The following ATG7 variants were observed in gnomAD, a reference collection of about 807,000 sequenced individuals.
The protein encoded by ATG7 is autophagy related 7.
In ATG7, 70 loss-of-function variants were observed where a neutral mutation model predicts 82.4. That is an observed-to-expected ratio of 0.85 (90% CI 0.70 to 1.04). The LOEUF is 1.04. ATG7 is among the 50% of genes least tolerant of loss of function. The pLI is 0.00. For missense variants in ATG7, 792 were observed against 864.3 expected (o/e 0.92, Z 1.05); for synonymous variants, 287 against 313.0 (o/e 0.92, Z 0.88).
chr3:11,557,344 G>A lies in ATG7; in HGVS notation c.*2501G>A, dbSNP rs560519583. The A allele has an allele frequency of 6.6e-6, 1 of 152,640 alleles. No homozygotes were observed. Among genetic ancestry groups the A allele is most frequent in the South Asian group, 2.1e-4 (1 of 4,834 alleles). 9.5% of individuals were successfully genotyped at this position (152,640 alleles called of 1,614,324 possible). A position where few individuals can be genotyped will look rare whatever the true frequency, so the allele number is the denominator to read the frequency against. On this transcript the variant is annotated 3_prime_UTR_variant, in exon 21 of 21. Transcript: ENST00000693202. ...ACACCATATCACAGATTGTCTGTCA[G>A]TAATCTGCTGTTCAGCCAAGAGAGT...
intron 3 of ATG7, among the ~76,000 whole-genome samples, chr3:11,289,364 A>G (rs1000821994): frequency 2.0e-5 from 3 of 152,184 alleles, no homozygotes; most frequent in African/African-American, 7.2e-5. Flanking sequence ...GTGATGTTAC[A>G]TAGACGTGTA....
chr3:11,356,270 A>G (rs2075928909), intron 14 of ATG7, among the ~76,000 whole-genome samples: 2 of 152,236 alleles, frequency 1.3e-5, no homozygotes, highest in Non-Finnish European at 1.5e-5. Context: ...AACTGTGCAT[A>G]TGAGATCTGT....
downstream of ATG7, among the ~76,000 whole-genome samples, chr3:11,561,827 C>T (rs138837779): frequency 4.5e-3 from 682 of 150,322 alleles, 6 homozygotes; most frequent in African/African-American, 0.016. Context: ...GAGGCTGCCC[C>T]GGGGGAGAGG....
At chr3:11,309,603 C>A (rs1948329005) in intron 7 of ATG7, among the ~76,000 whole-genome samples, 1 of 151,964 alleles carries the variant, frequency 6.6e-6, no homozygotes, top group African/African-American at 2.4e-5. Flanking sequence ...ATGGAAGGAC[C>A]TGGCCTTGGT....
At chr3:11,353,321 T>G (rs2075701921) in intron 14 of ATG7, among the ~76,000 whole-genome samples, 1 of 152,086 alleles carries the variant, frequency 6.6e-6, no homozygotes, top group Non-Finnish European at 1.5e-5. Context: ...GGCGTGCACC[T>G]GTAGTCCCAG....
chr3:11,471,137 AAC>A (rs2087464598), intron 20 of ATG7, among the ~76,000 whole-genome samples: 3 of 152,044 alleles, frequency 2.0e-5, no homozygotes, highest in African/African-American at 7.3e-5. Flanking sequence ...CCCTTTTGGA[AAC>A]ACACATATGA....
In ATG7 at chr3:11,535,723, G is replaced by C. The variant is rs113465598; in HGVS notation, c.2080-19088G>C. On this transcript the variant is annotated intron_variant, in intron 20 of 20. Coordinates refer to ENST00000693202, the MANE Select transcript of ATG7 (RefSeq NM_001349232.2). ...GGTAAAGAAGCGGGGGCGTGCGCTG[G>C]GGGGAGAACCTTGTGTTCTCAGTCT... Among the ~76,000 whole-genome samples, 570 of 152,222 alleles carry C rather than the reference G, an allele frequency of 3.7e-3. 3 individuals carry two copies. Among genetic ancestry groups the C allele is most frequent in the African/African-American group, 0.012 (504 of 41,520 alleles).
chr3:11,377,214 C>G (rs557219953), intron 18 of ATG7, among the ~76,000 whole-genome samples: 41 of 152,314 alleles, frequency 2.7e-4, no homozygotes, highest in African/African-American at 7.2e-4. Flanking sequence ...GGTTTCCTGT[C>G]TTGAATTATC....
the ATG7 span, among the ~76,000 whole-genome samples, chr3:11,566,405 C>T: frequency 1.3e-5 from 2 of 152,182 alleles, no homozygotes; most frequent in African/African-American, 4.8e-5. Context: ...AGACAACTAC[C>T]AACCTTATTC....
Position 11,319,520 on chromosome 3 carries a change from C to G in ATG7, c.678+4027C>G, listed in dbSNP as rs549244097. 7.2e-4 allele frequency among the ~76,000 whole-genome samples: 110 copies of G among 152,326 alleles called. 1 individual carries two copies. The highest frequency in any genetic ancestry group is 1.7e-3 in the African/African-American group (70 of 41,574). On this transcript the variant is annotated intron_variant, in intron 9 of 20. Coordinates refer to ENST00000693202, the MANE Select transcript of ATG7 (RefSeq NM_001349232.2). ...TCAACCTGTTTCTCTTCTGGGTTAT[C>G]TCATTGTGCCTACAACTCCAGAAAC...
At chr3:11,567,237 G>A in the ATG7 span, among the ~76,000 whole-genome samples, 1 of 152,162 alleles carries the variant, frequency 6.6e-6, no homozygotes, top group Non-Finnish European at 1.5e-5. Context: ...ACTCTAAATG[G>A]GGGACAAACA....
intron 18 of ATG7, among the ~76,000 whole-genome samples, chr3:11,372,485 A>T (rs2152832274): frequency 6.6e-6 from 1 of 150,896 alleles, no homozygotes; most frequent in East Asian, 1.9e-4. Context: ...ACTGATATAT[A>T]GTAAAATGAA....
Position 11,340,701 on chromosome 3 carries a change from A to G in ATG7, c.946A>G (p.Met316Val), listed in dbSNP as rs886771457. 4 of 1,613,836 alleles carry G rather than the reference A, an allele frequency of 2.5e-6. No individual in the cohort carries two copies. The African/African-American group carries it at 5.3e-5, about 22-fold the overall frequency. ...KNQKGGMGPR[M>V]VNLSECMDPK... ...CCAGAAAGGAGGCATGGGACCAAGG[A>G]TGGTGAACCTCAGTGAATGTATGGA... The change falls in exon 12 of 21, where the codon ATG becomes GTG. Residue 316 changes from methionine (M) to valine (V), a missense_variant. Transcript: ENST00000693202.
At chr3:11,399,226 T>A (rs1258394315) in intron 19 of ATG7, among the ~76,000 whole-genome samples, 1 of 152,132 alleles carries the variant, frequency 6.6e-6, no homozygotes, top group Non-Finnish European at 1.5e-5. Context: ...CCTGTACATA[T>A]AGTCCCAGCT....
chr3:11,542,839 G>C (rs1333409550), intron 20 of ATG7, among the ~76,000 whole-genome samples: 1 of 152,144 alleles, frequency 6.6e-6, no homozygotes, highest in Non-Finnish European at 1.5e-5. Context: ...CTCAAGTGTA[G>C]CTCGGAGGTG....
intron 20 of ATG7, among the ~76,000 whole-genome samples, chr3:11,431,270 A>G (rs1022354609): frequency 6.6e-6 from 1 of 152,130 alleles, no homozygotes; most frequent in East Asian, 1.9e-4. Context: ...GTGTGGTGGC[A>G]TGTGCCTGTA....
At chr3:11,348,347 G>A (rs1183842277) in intron 14 of ATG7, 1 of 252,094 alleles carries the variant, frequency 4.0e-6, no homozygotes, top group South Asian at 6.0e-5. Context: ...TAAAGATGAT[G>A]TGTCCAGAGT....
intron 19 of ATG7, among the ~76,000 whole-genome samples, chr3:11,424,636 T>C (rs1157129252): frequency 6.6e-6 from 1 of 151,816 alleles, no homozygotes; most frequent in Non-Finnish European, 1.5e-5. Flanking sequence ...TTTAAAAATC[T>C]TATTTTAATA....
At chr3:11,500,614 T>TA (rs1159976671) in intron 20 of ATG7, among the ~76,000 whole-genome samples, 6 of 152,182 alleles carry the variant, frequency 3.9e-5, no homozygotes, top group African/African-American at 1.4e-4. Flanking sequence ...GTATAGATAA[T>TA]ACAGTGCTTA....
Sources: gnomAD v4.1 joint callset for allele counts (sites outside exome capture counted in the v4.1 genomes callset) on GRCh38, gnomAD v4.1.1 for gene constraint, MANE v1.5 for transcripts, NCBI Gene and HGNC (gene_info 2026-07-23, HGNC 2026-07-21) for gene names.